ZCCHC14: variants seen among roughly 807,000 people sequenced by gnomAD.
ZCCHC14 encodes the protein zinc finger CCHC domain-containing protein 14.
Under a neutral mutation model 85.0 loss-of-function variants are expected in ZCCHC14, and 16 were observed. The ratio of observed to expected loss-of-function variants is 0.19; its 90% CI spans 0.13 to 0.29. ZCCHC14 has a LOEUF of 0.29. ZCCHC14 is among the 10% of genes least tolerant of loss of function. The pLI, the probability that ZCCHC14 is intolerant of heterozygous loss-of-function variation, is 1.00. For missense variants in ZCCHC14, 1,303 were observed against 1,443.5 expected, an observed-to-expected ratio of 0.90 and a Z score of 1.58; for synonymous variants, 775 against 630.7, an observed-to-expected ratio of 1.23 and a Z score of -3.43.
At chr16:87,459,531 C>T (rs1037179198) in intron 2 of ZCCHC14, among the ~76,000 whole-genome samples, 11 of 143,670 alleles carry the variant, frequency 7.7e-5, no homozygotes, top group Admixed American at 2.8e-4. Flanking sequence ...TTTTTTCAGA[C>T]GGAGTTTTGC....
chr16:87,412,966 A>T lies in ZCCHC14; in HGVS notation c.1755T>A (p.Ile585=), dbSNP rs994826910. 4.3e-6 allele frequency: 7 copies of T among 1,610,974 alleles called. No individual in the cohort carries two copies. In the African/African-American group the frequency reaches 9.4e-5, roughly 22 times the overall value. Residue 585 remains isoleucine, a synonymous_variant, in exon 12 of 13, where the codon ATT becomes ATA. Coordinates refer to ENST00000671377, the MANE Select transcript of ZCCHC14 (RefSeq NM_015144.3). Reference sequence around the variant, plus strand: ...TCTCCTTGTCAGAGCTCTCCAAGTGAATCTCCACACCTAGAGAGGGAAACA... The same window carrying T: ...TCTCCTTGTCAGAGCTCTCCAAGTGTATCTCCACACCTAGAGAGGGAAACA... ...SAEENDRRVE[I]HLESSDKEKP...
chr16:87,484,546 T>TCTA (rs2150778111), intron 1 of ZCCHC14, among the ~76,000 whole-genome samples: 1 of 152,328 alleles, frequency 6.6e-6, no homozygotes, highest in East Asian at 1.9e-4. Context: ...CCTACGTGTA[T>TCTA]CTAAGCGTGT....
chr16:87,467,316 C>A lies in ZCCHC14; in HGVS notation c.571-7185G>T. ...ATCAAGCCTCAATAATGTAACACTGCCCCAAGCGAAAACAGAAAAAGATTT... is the reference window on the plus strand; with the variant it reads ...ATCAAGCCTCAATAATGTAACACTGACCCAAGCGAAAACAGAAAAAGATTT... On this transcript the variant is annotated intron_variant, in intron 1 of 12. Coordinates refer to ENST00000671377, the MANE Select transcript of ZCCHC14 (RefSeq NM_015144.3). 4 of 1,583,034 alleles carry A rather than the reference C, an allele frequency of 2.5e-6. No individual in the cohort carries two copies. In the South Asian group the frequency reaches 4.4e-5, roughly 17 times the overall value.
intron 2 of ZCCHC14, among the ~76,000 whole-genome samples, chr16:87,450,831 C>A (rs1029754529): frequency 7.2e-5 from 11 of 152,192 alleles, no homozygotes; most frequent in African/African-American, 2.6e-4. Flanking sequence ...GCTGGGATTA[C>A]AAGCGTGAGC....
chr16:87,418,995 T>C (rs1003276367), intron 6 of ZCCHC14, 94 bp from the exon 7 acceptor site: 127 of 1,212,418 alleles, frequency 1.0e-4, no homozygotes, highest in Non-Finnish European at 1.3e-4. Flanking sequence ...TTGCTCTTGT[T>C]GCCCAGGCTG....
At position 87,467,352 on chromosome 16, in the gene ZCCHC14, T is replaced by G; in HGVS notation, c.571-7221A>C. The G allele has an allele frequency of 2.5e-6, 4 of 1,596,808 alleles. No homozygotes were observed. In the Admixed American group the frequency reaches 5.0e-5, roughly 20 times the overall value. Reference sequence around the variant, plus strand: ...AACAGAAAAAGATTTCATCCAACTCTGCACCCCTGGGGTAATTAAGCAAGA... The same window carrying G: ...AACAGAAAAAGATTTCATCCAACTCGGCACCCCTGGGGTAATTAAGCAAGA... On this transcript the variant is annotated intron_variant, in intron 1 of 12. Coordinates refer to ENST00000671377, the MANE Select transcript of ZCCHC14 (RefSeq NM_015144.3).
intron 1 of ZCCHC14, among the ~76,000 whole-genome samples, chr16:87,485,590 C>CAAA (rs35083614): frequency 0.031 from 3,064 of 98,398 alleles, 121 homozygotes; most frequent in African/African-American, 0.082. Context: ...GGCAGTTTTC[C>CAAA]AAAAAAAAAA....
intron 2 of ZCCHC14, among the ~76,000 whole-genome samples, chr16:87,448,997 A>C (rs1452831638): frequency 6.6e-6 from 1 of 152,238 alleles, no homozygotes; most frequent in Non-Finnish European, 1.5e-5. Flanking sequence ...GCTCGGCCTT[A>C]CGAATCCTCA....
At chr16:87,458,687 G>T (rs1276444000) in intron 2 of ZCCHC14, among the ~76,000 whole-genome samples, 1 of 152,332 alleles carries the variant, frequency 6.6e-6, no homozygotes, top group East Asian at 1.9e-4. Flanking sequence ...ACGAAGCGCC[G>T]TGCCAGGGAC....
At chr16:87,471,416 A>G (rs1200291636) in intron 1 of ZCCHC14, 2 of 152,270 alleles carry the variant, frequency 1.3e-5, no homozygotes, top group Non-Finnish European at 2.9e-5. Context: ...TTCTTAACCT[A>G]GAGCTCTACT....
intron 2 of ZCCHC14, among the ~76,000 whole-genome samples, chr16:87,442,041 C>T (rs1483033052): frequency 6.6e-6 from 1 of 152,098 alleles, no homozygotes; most frequent in Non-Finnish European, 1.5e-5. Flanking sequence ...GGCTGGAGGA[C>T]CAAAAAGGGG....
intron 1 of ZCCHC14, among the ~76,000 whole-genome samples, chr16:87,490,120 T>C (rs1190035943): frequency 6.6e-6 from 1 of 152,126 alleles, no homozygotes; most frequent in Non-Finnish European, 1.5e-5. Context: ...ACTATAGTCT[T>C]GGAGGTAAAT....
intron 2 of ZCCHC14, among the ~76,000 whole-genome samples, chr16:87,452,227 T>C (rs923551540): frequency 1.3e-5 from 2 of 152,224 alleles, no homozygotes; most frequent in Non-Finnish European, 1.5e-5. Flanking sequence ...AGGAGCTACC[T>C]TGGACTTACA....
chr16:87,464,853 GCTCT>G (rs1202019573), intron 1 of ZCCHC14, among the ~76,000 whole-genome samples: 2 of 152,194 alleles, frequency 1.3e-5, no homozygotes, highest in Admixed American at 6.5e-5. Flanking sequence ...CCACTCAAGT[GCTCT>G]CTGACTCAGG....
intron 2 of ZCCHC14, among the ~76,000 whole-genome samples, chr16:87,435,972 C>T (rs919588391): frequency 6.6e-6 from 1 of 152,210 alleles, no homozygotes; most frequent in Non-Finnish European, 1.5e-5. Context: ...ACTTCTAAAA[C>T]TTCCCACAAT....
intron 2 of ZCCHC14, among the ~76,000 whole-genome samples, chr16:87,454,340 C>T (rs1910848067): frequency 6.6e-6 from 1 of 152,074 alleles, no homozygotes; most frequent in South Asian, 2.1e-4. Context: ...AAAATTACAC[C>T]AAGGCACATC....
rs905754474 is a variant in ZCCHC14, at chr16:87,417,613, G to A, written c.1230C>T (p.Ala410=). The change falls in exon 8 of 13, where the codon GCC becomes GCT. Residue 410 remains alanine (A), a synonymous_variant. Transcript: ENST00000671377. ...SHAGSAGSAL[A]YRTQMDTSPA... is the part of the protein sequence containing the mutation. ...GTGATGTGTCCATCTGGGTCCGGTA[G>A]GCCAGGGCTGAGCCCGCGCTGCCCG... The A allele has an allele frequency of 6.2e-7, 1 of 1,614,230 alleles. No individual in the cohort carries two copies. The highest frequency in any genetic ancestry group is 8.5e-7 in the Non-Finnish European group (1 of 1,180,042).
intron 2 of ZCCHC14, 60 bp downstream of exon 2, chr16:87,459,948 C>A: frequency 1.2e-6 from 2 of 1,611,418 alleles, no homozygotes; most frequent in Non-Finnish European, 1.7e-6. Context: ...TCACGGGGAT[C>A]TGGGGTGTGC....
intron 2 of ZCCHC14, among the ~76,000 whole-genome samples, chr16:87,438,219 G>A (rs577765906): frequency 2.6e-5 from 4 of 152,386 alleles, no homozygotes; most frequent in South Asian, 2.1e-4. Context: ...AGGAATGCAC[G>A]CCCCGACCCA....
Sources: gnomAD v4.1 joint callset for allele counts (sites outside exome capture counted in the v4.1 genomes callset) on GRCh38, gnomAD v4.1.1 for gene constraint, MANE v1.5 for transcripts, NCBI Gene and HGNC (gene_info 2026-07-23, HGNC 2026-07-21) for gene names.